The following AOAH variants were observed in gnomAD, a reference collection of about 807,000 sequenced individuals.
AOAH encodes acyloxyacyl hydrolase (neutrophil).
In AOAH, 64 loss-of-function variants were observed where a neutral mutation model predicts 92.2. The observed-to-expected ratio is 0.69, with a 90% CI of 0.57 to 0.86. The LOEUF (loss-of-function observed/expected upper bound fraction) is 0.86. Ranked by LOEUF, AOAH falls within the 40% of genes least tolerant of loss-of-function variation. AOAH has a pLI of 0.00. For synonymous variants in AOAH, 263 were observed against 254.5 expected (o/e 1.03, Z -0.32); for missense variants, 656 against 694.6 (o/e 0.94, Z 0.62).
At chr7:36,557,306 A>G (rs1377898115) in intron 13 of AOAH, among the ~76,000 whole-genome samples, 1 of 152,190 alleles carries the variant, frequency 6.6e-6, no homozygotes, top group East Asian at 1.9e-4. Flanking sequence ...AATGTTGAAT[A>G]TTGGCCCCCA....
intron 5 of AOAH, among the ~76,000 whole-genome samples, chr7:36,633,791 G>C (rs1161719114): frequency 6.6e-6 from 1 of 152,160 alleles, no homozygotes; most frequent in African/African-American, 2.4e-5. Flanking sequence ...TTTGAGATAA[G>C]AGACCCCAAG....
rs1179468148 is a variant in AOAH at position 36,544,164 on chromosome 7, C to T, written c.1134-3673G>A. On this transcript the variant is annotated intron_variant, in intron 15 of 20. Coordinates refer to ENST00000617537, the MANE Select transcript of AOAH (RefSeq NM_001637.4). ...GTTTTACCATGTTGGCCAGGATGGT[C>T]TCAATCTCTTGACCTCGTGATCTGC... is the stretch of plus-strand genomic sequence containing the variant. Among the ~76,000 whole-genome samples, 8 of 152,180 alleles carry T rather than the reference C, an allele frequency of 5.3e-5. No homozygotes were observed. The East Asian group carries it at 1.2e-3, about 22-fold the overall frequency.
In AOAH at chr7:36,517,202, C is replaced by CT. The variant is rs1324414686; in HGVS notation, c.1600-3823dup. Among the ~76,000 whole-genome samples, 16 of 69,376 alleles carry CT rather than the reference C, an allele frequency of 2.3e-4. 1 individual carries two copies. The highest frequency in any genetic ancestry group is 7.6e-4 in the African/African-American group (15 of 19,690). 45.5% of individuals were successfully genotyped at this position (69,376 alleles called of 152,430 possible). A position where few individuals can be genotyped will look rare whatever the true frequency, so the allele number is the denominator to read the frequency against. On this transcript the variant is annotated intron_variant, in intron 20 of 20. Coordinates refer to ENST00000617537, the MANE Select transcript of AOAH (RefSeq NM_001637.4). ...TCTTTCTTTCTTTCTTTCTTTCTTT[C>CT]TTTCTTTCTTTCTCTTTCTTTCTGT...
intron 3 of AOAH, among the ~76,000 whole-genome samples, chr7:36,671,697 G>GT (rs1338902070): frequency 6.6e-6 from 1 of 151,844 alleles, no homozygotes; most frequent in Non-Finnish European, 1.5e-5. Flanking sequence ...ATAGGAGTGG[G>GT]TTCATAAGAT....
At chr7:36,565,990 A>G (rs961639512) in intron 13 of AOAH, among the ~76,000 whole-genome samples, 4 of 152,188 alleles carry the variant, frequency 2.6e-5, no homozygotes, top group Non-Finnish European at 5.9e-5. Context: ...TTAGGATCAC[A>G]AACTGTATTC....
At chr7:36,627,966 G>A (rs1792792922) in intron 6 of AOAH, among the ~76,000 whole-genome samples, 1 of 152,170 alleles carries the variant, frequency 6.6e-6, no homozygotes, top group South Asian at 2.1e-4. Context: ...ATGTGTGCCT[G>A]CCTCACATGT....
At chr7:36,585,139 T>C (rs1583876426) in intron 12 of AOAH, among the ~76,000 whole-genome samples, 1 of 151,172 alleles carries the variant, frequency 6.6e-6, no homozygotes, top group East Asian at 1.9e-4. Flanking sequence ...AGGGGCTGTC[T>C]GGAGGGGTAT....
intron 4 of AOAH, among the ~76,000 whole-genome samples, chr7:36,645,354 G>A (rs992033589): frequency 6.6e-6 from 1 of 152,184 alleles, no homozygotes; most frequent in African/African-American, 2.4e-5. Flanking sequence ...TTGGCACCGT[G>A]ATATTGGACT....
At chr7:36,657,897 GGT>G (rs1437042692) in intron 4 of AOAH, among the ~76,000 whole-genome samples, 2 of 152,042 alleles carry the variant, frequency 1.3e-5, no homozygotes, top group Non-Finnish European at 2.9e-5. Context: ...TGTAGCTGTG[GGT>G]GTAATGTATA....
At chr7:36,616,506 G>T (rs1357225918) in intron 10 of AOAH, 32 bp from the exon 11 acceptor site, 3 of 1,585,220 alleles carry the variant, frequency 1.9e-6, no homozygotes, top group Non-Finnish European at 2.6e-6. Context: ...CATTATTTAT[G>T]CACTCAAGTA....
At chr7:36,513,900 G>A (rs570529434) in intron 20 of AOAH, among the ~76,000 whole-genome samples, 2 of 152,266 alleles carry the variant, frequency 1.3e-5, no homozygotes, top group Admixed American at 1.3e-4. Flanking sequence ...TCATAAGTGT[G>A]TATTGTGTTA....
chr7:36,670,600 G>T (rs944674829), intron 3 of AOAH, among the ~76,000 whole-genome samples: 1 of 152,006 alleles, frequency 6.6e-6, no homozygotes, highest in Non-Finnish European at 1.5e-5. Context: ...TCAAGCTCCC[G>T]AGTAGCTGGG....
chr7:36,606,738 T>C (rs1791032247), intron 11 of AOAH, among the ~76,000 whole-genome samples: 1 of 152,184 alleles, frequency 6.6e-6, no homozygotes, highest in Non-Finnish European at 1.5e-5. Context: ...AAGCAGAGAT[T>C]GTTTTTTCCC....
rs181407249 is a variant in AOAH, at chr7:36,723,973, T to A, written c.127+49A>T. ...TTTATTACGCAAGCAAAGTACTGGA[T>A]CCCATTGTTATGTCTACATAGAAAA... On this transcript the variant is annotated intron_variant, in intron 1 of 20. Transcript: ENST00000617537. 165 of 1,584,092 alleles carry A rather than the reference T, an allele frequency of 1.0e-4. 1 individual carries two copies. In the African/African-American group the frequency reaches 2.0e-3, roughly 20 times the overall value.
rs368692816 is a variant in AOAH at position 36,583,890 on chromosome 7, G to T, written c.939-7234C>A. Among the ~76,000 whole-genome samples the T allele has an allele frequency of 9.2e-5, 14 of 152,172 alleles. No homozygotes were observed. The East Asian group carries it at 9.6e-4, about 10-fold the overall frequency. On this transcript the variant is annotated intron_variant, in intron 12 of 20. Coordinates refer to ENST00000617537, the MANE Select transcript of AOAH (RefSeq NM_001637.4). Reference sequence around the variant, plus strand: ...ACTGTATTAGGGTGAACATTAAACTGTGATAAAGTGGAGACATTTAAGGCT... The same window carrying T: ...ACTGTATTAGGGTGAACATTAAACTTTGATAAAGTGGAGACATTTAAGGCT...
At chr7:36,702,983 T>G (rs939949702) in intron 1 of AOAH, among the ~76,000 whole-genome samples, 1 of 152,172 alleles carries the variant, frequency 6.6e-6, no homozygotes, top group African/African-American at 2.4e-5. Flanking sequence ...TCTAAATCCT[T>G]TGTCATCATT....
rs113018055 is a variant in AOAH at position 36,567,418 on chromosome 7, C to A, written c.1021+9156G>T. On this transcript the variant is annotated intron_variant, in intron 13 of 20. Transcript: ENST00000617537. ...GGGCAAGTTACTTAACCTTTGTGAG[C>A]CTCAGTTTCCTCAACTGTAAAATGG... is the stretch of plus-strand genomic sequence containing the variant. 3.9e-3 allele frequency among the ~76,000 whole-genome samples: 596 copies of A among 152,288 alleles called. 4 individuals are homozygous for A. The highest frequency in any genetic ancestry group is 0.014 in the Middle Eastern group (4 of 294).
chr7:36,579,165 C>T (rs1233556651), intron 12 of AOAH, among the ~76,000 whole-genome samples: 1 of 141,348 alleles, frequency 7.1e-6, no homozygotes. Context: ...CCTAAAACTG[C>T]TTAAAAAAAA....
At chr7:36,599,563 AAG>A (rs1790393083) in intron 11 of AOAH, among the ~76,000 whole-genome samples, 1 of 152,260 alleles carries the variant, frequency 6.6e-6, no homozygotes, top group South Asian at 2.1e-4. Context: ...CTGTTGGAAA[AAG>A]ATAAAAAATG....
Sources: gnomAD v4.1 joint callset for allele counts (sites outside exome capture counted in the v4.1 genomes callset) on GRCh38, gnomAD v4.1.1 for gene constraint, MANE v1.5 for transcripts, NCBI Gene and HGNC (gene_info 2026-07-23, HGNC 2026-07-21) for gene names.